SNX25: variants seen among roughly 807,000 people sequenced by gnomAD.
SNX25 encodes the protein sorting nexin-25.
SNX25 carries 62 observed loss-of-function variants against 113.7 expected under a neutral mutation model. The observed-to-expected ratio is 0.55, with a 90% confidence interval of 0.44 to 0.67. The LOEUF is 0.67. Ranked by LOEUF, SNX25 falls within the 30% of genes least tolerant of loss-of-function variation. SNX25 has a pLI of 0.00. For missense variants in SNX25, 1,014 were observed against 1,161.0 expected, an observed-to-expected ratio of 0.87 and a Z score of 1.84; for synonymous variants, 421 against 436.2, an observed-to-expected ratio of 0.97 and a Z score of 0.43.
intron 1 of SNX25, among the ~76,000 whole-genome samples, chr4:185,211,907 C>G (rs1411874998): frequency 6.6e-6 from 1 of 152,124 alleles, no homozygotes; most frequent in Non-Finnish European, 1.5e-5. Flanking sequence ...TCTCCCAGCT[C>G]ACTGGCACCT....
At chr4:185,257,176 GAAAAAA>G (rs11332633) in intron 2 of SNX25, among the ~76,000 whole-genome samples, 1 of 106,374 alleles carries the variant, frequency 9.4e-6, no homozygotes. Context: ...TTTGAAAAGT[GAAAAAA>G]AAAAAAAAAA....
At chr4:185,308,286 G>T (rs1228155140) in intron 6 of SNX25, among the ~76,000 whole-genome samples, 1 of 152,310 alleles carries the variant, frequency 6.6e-6, no homozygotes, top group East Asian at 1.9e-4. Flanking sequence ...ATGTCAACTT[G>T]AGAAAACATT....
intron 2 of SNX25, among the ~76,000 whole-genome samples, chr4:185,252,870 C>T (rs967015103): frequency 2.0e-5 from 3 of 152,196 alleles, no homozygotes; most frequent in Non-Finnish European, 4.4e-5. Flanking sequence ...TTAAATGGCA[C>T]ACTTGAGGAA....
chr4:185,377,233 A>G, the SNX25 span: 1 of 503,282 alleles, frequency 2.0e-6, no homozygotes, highest in Non-Finnish European at 3.6e-6. Context: ...ATAAAGCAAT[A>G]CTGGCCGGGC....
At chr4:185,221,453 G>A (rs1739836013) in intron 1 of SNX25, among the ~76,000 whole-genome samples, 2 of 152,080 alleles carry the variant, frequency 1.3e-5, no homozygotes, top group East Asian at 1.9e-4. Flanking sequence ...GGATTACAGG[G>A]GTGCCTGCCC....
At chr4:185,211,849 C>T (rs1737857474) in intron 1 of SNX25, among the ~76,000 whole-genome samples, 1 of 151,782 alleles carries the variant, frequency 6.6e-6, no homozygotes, top group South Asian at 2.1e-4. Flanking sequence ...TTGAAAGCCT[C>T]CTGTTGTGGG....
chr4:185,377,987 A>G, the SNX25 span: 4 of 1,046,924 alleles, frequency 3.8e-6, no homozygotes, highest in South Asian at 1.5e-5. Context: ...CTTGAAATCA[A>G]TAAAACACAT....
the SNX25 span, chr4:185,377,487 A>G: frequency 5.9e-6 from 1 of 168,858 alleles, no homozygotes. Flanking sequence ...CACTGCACTC[A>G]AGCCTGGGCA....
chr4:185,290,932 A>G (rs1752078788), intron 6 of SNX25, among the ~76,000 whole-genome samples: 1 of 152,196 alleles, frequency 6.6e-6, no homozygotes, highest in African/African-American at 2.4e-5. Flanking sequence ...GGCAGTTACG[A>G]ACGTGGTCAG....
At chr4:185,274,349 A>G (rs939438200) in intron 5 of SNX25, among the ~76,000 whole-genome samples, 2 of 152,156 alleles carry the variant, frequency 1.3e-5, no homozygotes, top group Admixed American at 1.3e-4. Context: ...GTGAGCCACC[A>G]TGCCCAGCCA....
intron 1 of SNX25, among the ~76,000 whole-genome samples, chr4:185,231,910 T>C (rs1191064319): frequency 6.6e-6 from 1 of 152,218 alleles, no homozygotes; most frequent in Non-Finnish European, 1.5e-5. Flanking sequence ...TTTATGCAGC[T>C]AGTCTTTTAT....
At chr4:185,298,786 A>G (rs543304364) in intron 6 of SNX25, among the ~76,000 whole-genome samples, 1 of 152,060 alleles carries the variant, frequency 6.6e-6, no homozygotes, top group Non-Finnish European at 1.5e-5. Flanking sequence ...CTCCTTATTC[A>G]TTATAGTTTA....
At chr4:185,251,015 C>T (rs766736875) in intron 2 of SNX25, among the ~76,000 whole-genome samples, 7 of 151,010 alleles carry the variant, frequency 4.6e-5, no homozygotes, top group Non-Finnish European at 1.0e-4. Context: ...GTGTGTGTGA[C>T]ACGGAGTCTT....
intron 9 of SNX25, among the ~76,000 whole-genome samples, chr4:185,326,363 T>G (rs1243169772): frequency 6.6e-6 from 1 of 152,148 alleles, no homozygotes; most frequent in African/African-American, 2.4e-5. Flanking sequence ...TCCAAAGTTA[T>G]CAGAAACCTG....
chr4:185,322,014 C>T (rs2095123905), intron 8 of SNX25, among the ~76,000 whole-genome samples: 1 of 152,114 alleles, frequency 6.6e-6, no homozygotes, highest in African/African-American at 2.4e-5. Context: ...GATCTTAGAA[C>T]CAATCTTCCA....
chr4:185,346,571 C>G lies in SNX25; in HGVS notation c.2222C>G (p.Ser741Cys), dbSNP rs766013697. 6.3e-7 allele frequency: 1 copy of G among 1,597,574 alleles called. No homozygotes were observed. The highest frequency in any genetic ancestry group is 2.3e-5 in the East Asian group (1 of 44,280). ...VPSLKKVQLP[S>C]LSKLPFKSID... ...TCTTTAAAAAAAGTCCAGTTGCCTT[C>G]TCTTAGCAAGCTGCCTTTCAAATCT... Residue 741 changes from serine to cysteine, a missense_variant, in exon 13 of 19, where the codon TCT becomes TGT. By Grantham distance (112) the Ser-to-Cys change is moderately radical. Coordinates refer to ENST00000652585, the MANE Select transcript of SNX25 (RefSeq NM_001378034.2).
rs1751581823 is a variant in SNX25 at position 185,287,993 on chromosome 4, TTC to T, written c.1092-15_1092-14del. 6.3e-7 allele frequency: 1 copy of T among 1,596,010 alleles called. No homozygotes were observed. Among genetic ancestry groups the T allele is most frequent in the Non-Finnish European group, 8.6e-7 (1 of 1,166,764 alleles). On this transcript the variant is annotated splice_polypyrimidine_tract_variant and intron_variant, in intron 5 of 18. Coordinates refer to ENST00000652585, the MANE Select transcript of SNX25 (RefSeq NM_001378034.2). ...TTTCTTCCTCTTAAATCTTTTTCTTTTCTCTTTTTAAAAATCAGGTATCAAAT... is the reference window on the plus strand; with the variant it reads ...TTTCTTCCTCTTAAATCTTTTTCTTTTCTTTTTAAAAATCAGGTATCAAAT...
intron 11 of SNX25, 97 bp downstream of exon 11, chr4:185,339,607 T>A (rs2095249740): frequency 6.9e-7 from 1 of 1,439,166 alleles, no homozygotes. Flanking sequence ...GTAGAAAACT[T>A]ACACTCATTC....
rs1173227824 is a variant in SNX25, at chr4:185,241,507, GGGGAGAGGGAGAGGGAGAGGA to G, written c.430-5772_430-5752del. Among the ~76,000 whole-genome samples, 11 of 100,012 alleles carry G rather than the reference GGGGAGAGGGAGAGGGAGAGGA, an allele frequency of 1.1e-4. 1 individual carries two copies. The highest frequency in any genetic ancestry group is 3.2e-4 in the African/African-American group (10 of 31,314). 65.6% of individuals were successfully genotyped at this position (100,012 alleles called of 152,430 possible). ...GAGACTGTGGGGAGAGGGAGACCGTGGGGAGAGGGAGAGGGAGAGGAGGGAGAGGGAGAGGAGGGAGAGGGA... is the reference window on the plus strand; with the variant it reads ...GAGACTGTGGGGAGAGGGAGACCGTGGGGAGAGGGAGAGGAGGGAGAGGGA... On this transcript the variant is annotated intron_variant, in intron 1 of 18. Coordinates refer to ENST00000652585, the MANE Select transcript of SNX25 (RefSeq NM_001378034.2).
Sources: gnomAD v4.1 joint callset for allele counts (sites outside exome capture counted in the v4.1 genomes callset) on GRCh38, gnomAD v4.1.1 for gene constraint, MANE v1.5 for transcripts, NCBI Gene and HGNC (gene_info 2026-07-23, HGNC 2026-07-21) for gene names.